The following PTPRQ variants were observed in gnomAD, a reference collection of about 807,000 sequenced individuals.
The protein encoded by PTPRQ is phosphatidylinositol phosphatase PTPRQ.
A neutral mutation model predicts 246.0 loss-of-function variants in PTPRQ; 199 were observed. The observed-to-expected ratio is 0.81, with a 90% CI of 0.72 to 0.91. The LOEUF is 0.91. PTPRQ is among the 40% of genes least tolerant of loss of function. The probability of loss-of-function intolerance (pLI) is 0.00; values close to 1 mark genes in which losing one functional copy is unlikely to be tolerated. For synonymous variants in PTPRQ, 869 were observed against 853.2 expected, an observed-to-expected ratio of 1.02 and a Z score of -0.32; for missense variants, 2,624 against 2,528.4, an observed-to-expected ratio of 1.04 and a Z score of -0.81.
chr12:80,518,620 T>G (rs1895376437), intron 17 of PTPRQ, among the ~76,000 whole-genome samples: 1 of 152,204 alleles, frequency 6.6e-6, no homozygotes, highest in South Asian at 2.1e-4. Context: ...GTCTTAGATT[T>G]AAGTCTTTAA....
chr12:80,635,697 C>A (rs1899621053), intron 35 of PTPRQ, among the ~76,000 whole-genome samples: 1 of 151,860 alleles, frequency 6.6e-6, no homozygotes, highest in African/African-American at 2.4e-5. Flanking sequence ...ATTATAAATC[C>A]TTTTAAAAGC....
At chr12:80,522,715 A>C (rs1014150687) in intron 17 of PTPRQ, among the ~76,000 whole-genome samples, 4 of 152,284 alleles carry the variant, frequency 2.6e-5, no homozygotes, top group Admixed American at 6.5e-5. Flanking sequence ...GATGAAGCCC[A>C]CTTGATCATG....
intron 25 of PTPRQ, among the ~76,000 whole-genome samples, chr12:80,575,020 T>G (rs1338455483): frequency 1.3e-5 from 2 of 152,186 alleles, no homozygotes; most frequent in Non-Finnish European, 2.9e-5. Context: ...AGTTCATACA[T>G]GTTATCTGCA....
intron 17 of PTPRQ, among the ~76,000 whole-genome samples, chr12:80,511,278 AT>A (rs1407501662): frequency 1.3e-5 from 2 of 151,872 alleles, no homozygotes; most frequent in African/African-American, 4.8e-5. Flanking sequence ...CCCTTTACAT[AT>A]TTCTCTTTAA....
At chr12:80,496,223 A>G (rs377245885) in intron 13 of PTPRQ, 27 bp from the exon 14 acceptor site, 109 of 1,542,128 alleles carry the variant, frequency 7.1e-5, no homozygotes, top group Admixed American at 1.2e-4. Flanking sequence ...AAATATAGGT[A>G]CTACAAATGT....
At chr12:80,568,313 A>C (rs1897039046) in intron 25 of PTPRQ, among the ~76,000 whole-genome samples, 1 of 152,158 alleles carries the variant, frequency 6.6e-6, no homozygotes, top group Non-Finnish European at 1.5e-5. Context: ...TATGTTACAG[A>C]GAGGGCCTCT....
chr12:80,502,782 T>C (rs964741582), intron 14 of PTPRQ, among the ~76,000 whole-genome samples: 8 of 151,860 alleles, frequency 5.3e-5, no homozygotes, highest in Non-Finnish European at 1.0e-4. Flanking sequence ...TTATTGGTAA[T>C]GACAAAGTCT....
At chr12:80,466,448 T>C (rs969177985) in intron 6 of PTPRQ, among the ~76,000 whole-genome samples, 6 of 152,288 alleles carry the variant, frequency 3.9e-5, no homozygotes, top group African/African-American at 1.4e-4. Flanking sequence ...AATTTATAGA[T>C]TCTATGCCAT....
chr12:80,493,232 T>C (rs1592578648), intron 9 of PTPRQ, 43 bp from the exon 10 acceptor site: 1 of 1,383,666 alleles, frequency 7.2e-7, no homozygotes, highest in East Asian at 2.7e-5. Context: ...AGTCATGAAG[T>C]GTAACTGTCA....
At chr12:80,654,874 A>AT (rs1182147813) in intron 38 of PTPRQ, among the ~76,000 whole-genome samples, 4 of 151,750 alleles carry the variant, frequency 2.6e-5, no homozygotes, top group African/African-American at 9.6e-5. Context: ...AATAATAATA[A>AT]TAATTAATTT....
At chr12:80,488,712 TAAAAA>T (rs892370082) in intron 9 of PTPRQ, among the ~76,000 whole-genome samples, 37 of 152,018 alleles carry the variant, frequency 2.4e-4, no homozygotes, top group African/African-American at 8.9e-4. Flanking sequence ...TGATTAAACT[TAAAAA>T]TATAACCCTC....
intron 33 of PTPRQ, among the ~76,000 whole-genome samples, chr12:80,627,156 A>G (rs1417156854): frequency 6.6e-6 from 1 of 151,956 alleles, no homozygotes; most frequent in Non-Finnish European, 1.5e-5. Context: ...AATCAAGTTA[A>G]TTAACAAATC....
chr12:80,525,293 A>G (rs1371885766), intron 17 of PTPRQ, among the ~76,000 whole-genome samples: 1 of 152,148 alleles, frequency 6.6e-6, no homozygotes, highest in Non-Finnish European at 1.5e-5. Context: ...CAAGTACTGG[A>G]CTCATCCCAA....
rs189231394 is a variant in PTPRQ, at chr12:80,469,215, C to A, written c.1039+377C>A. On this transcript the variant is annotated intron_variant, in intron 7 of 44. Transcript: ENST00000644991. ...TTAGATTTCTATTCACTGCTAGGAGCCTAGTTTTTAATCATTAGAAAGAGC... is the reference window on the plus strand; with the variant it reads ...TTAGATTTCTATTCACTGCTAGGAGACTAGTTTTTAATCATTAGAAAGAGC... 6.6e-4 allele frequency among the ~76,000 whole-genome samples: 101 copies of A among 152,244 alleles called. 3 individuals are homozygous for A. The East Asian group carries it at 0.016, about 24-fold the overall frequency.
chr12:80,525,243 A>T (rs1895645572), intron 17 of PTPRQ, among the ~76,000 whole-genome samples: 1 of 152,174 alleles, frequency 6.6e-6, no homozygotes, highest in Non-Finnish European at 1.5e-5. Context: ...GAAATAAGGG[A>T]ACAGGTCAAG....
intron 39 of PTPRQ, among the ~76,000 whole-genome samples, chr12:80,660,332 T>C (rs1041940466): frequency 1.3e-5 from 2 of 152,014 alleles, no homozygotes; most frequent in African/African-American, 4.8e-5. Flanking sequence ...GCCCAGGGTT[T>C]ATAACTAGGT....
chr12:80,631,502 A>T (rs1330278601), intron 33 of PTPRQ, among the ~76,000 whole-genome samples: 1 of 152,132 alleles, frequency 6.6e-6, no homozygotes, highest in Non-Finnish European at 1.5e-5. Flanking sequence ...CCCCTTCAGG[A>T]GGATCATTTG....
intron 17 of PTPRQ, among the ~76,000 whole-genome samples, chr12:80,521,344 T>G (rs977205277): frequency 1.3e-5 from 2 of 152,224 alleles, no homozygotes; most frequent in Non-Finnish European, 2.9e-5. Flanking sequence ...TTTCTTTTGC[T>G]GTGCAGAAGC....
chr12:80,634,758 G>A (rs1354627171), intron 34 of PTPRQ, 187 bp from the exon 35 acceptor site: 7 of 793,012 alleles, frequency 8.8e-6, no homozygotes, highest in African/African-American at 1.8e-5. Context: ...AAAGAAAGTA[G>A]AATAGGTTCT....
Sources: allele counts gnomAD v4.1 joint callset (sites outside exome capture counted in the v4.1 genomes callset), GRCh38; gene constraint gnomAD v4.1.1; transcripts MANE v1.5; gene names NCBI Gene and HGNC (gene_info 2026-07-23, HGNC 2026-07-21).